The following COBL variants were observed in gnomAD, a reference collection of about 807,000 sequenced individuals.
The protein encoded by COBL is protein cordon-bleu.
COBL carries 51 observed loss-of-function variants against 98.8 expected under a neutral mutation model. The observed-to-expected ratio is 0.52, with a 90% CI of 0.41 to 0.65. The LOEUF (loss-of-function observed/expected upper bound fraction) is 0.65, where lower values mean the gene tolerates loss of function less well. COBL is among the 30% of genes least tolerant of loss of function. The pLI, the probability that COBL is intolerant of heterozygous loss-of-function variation, is 0.00. For synonymous variants in COBL, 634 were observed against 651.7 expected, an observed-to-expected ratio of 0.97 and a Z score of 0.41; for missense variants, 1,617 against 1,617.5, an observed-to-expected ratio of 1.00 and a Z score of 0.01.
At chr7:51,165,500 A>T (rs1253432027) in intron 5 of COBL, among the ~76,000 whole-genome samples, 2 of 151,964 alleles carry the variant, frequency 1.3e-5, no homozygotes, top group Non-Finnish European at 2.9e-5. Flanking sequence ...GAGAGATAGG[A>T]CCCAATAAAA....
chr7:51,195,996 T>G (rs1405743567), intron 2 of COBL, among the ~76,000 whole-genome samples: 1 of 152,208 alleles, frequency 6.6e-6, no homozygotes, highest in East Asian at 1.9e-4. Flanking sequence ...TATTTCTTTT[T>G]CTTGCCTGAC....
At chr7:51,108,655 C>T (rs1200943072) in intron 6 of COBL, among the ~76,000 whole-genome samples, 1 of 152,142 alleles carries the variant, frequency 6.6e-6, no homozygotes, top group Non-Finnish European at 1.5e-5. Flanking sequence ...CACCTTCGTT[C>T]CCTTCCCTGT....
chr7:51,172,443 C>A lies in COBL; in HGVS notation c.783+11659G>T, dbSNP rs1175663516. ...CAATTAGCGGAAGCACCTGCTGGGG[C>A]ATTAGTACTCACGTTCAAACCCCTT... is the stretch of plus-strand genomic sequence containing the variant. On this transcript the variant is annotated intron_variant, in intron 5 of 12. Coordinates refer to ENST00000265136, the MANE Select transcript of COBL (RefSeq NM_015198.5). The A allele has an allele frequency of 5.4e-6, 7 of 1,284,494 alleles. No individual in the cohort carries two copies. The African/African-American group carries it at 1.1e-4, about 20-fold the overall frequency. 79.6% of individuals were successfully genotyped at this position (1,284,494 alleles called of 1,614,324 possible).
At chr7:51,194,494 T>A (rs1000821367) in intron 2 of COBL, among the ~76,000 whole-genome samples, 1 of 152,206 alleles carries the variant, frequency 6.6e-6, no homozygotes, top group African/African-American at 2.4e-5. Context: ...GATTGCTGGG[T>A]TGAATGGTAG....
chr7:51,190,731 T>C (rs1790022954), intron 4 of COBL, 119 bp downstream of exon 4: 1 of 771,736 alleles, frequency 1.3e-6, no homozygotes, highest in Non-Finnish European at 2.1e-6. Context: ...GCCTGGAACT[T>C]CATGTACCCA....
chr7:51,102,047 A>G (rs1028259872), intron 6 of COBL, among the ~76,000 whole-genome samples: 1 of 152,230 alleles, frequency 6.6e-6, no homozygotes, highest in Non-Finnish European at 1.5e-5. Flanking sequence ...CAGCAAAAAA[A>G]GAGTTGTCAG....
At position 51,297,391 on chromosome 7, in the gene COBL, C is replaced by CTTTTTTT. The variant is rs71021766; in HGVS notation, c.41+19195_41+19201dup. 9.2e-5 allele frequency among the ~76,000 whole-genome samples: 11 copies of CTTTTTTT among 119,274 alleles called. 1 individual carries two copies. Among genetic ancestry groups the CTTTTTTT allele is most frequent in the East Asian group, 5.1e-4 (2 of 3,918 alleles). The allele number at this position is 119,274 out of a possible 152,430, so 78.2% of individuals were successfully genotyped here. On this transcript the variant is annotated intron_variant, in intron 1 of 12. Transcript: ENST00000265136. ...AGCTAAGTTTCATCATTTTGAAAAT[C>CTTTTTTT]TTTTTTTTTTTTTTTTTTGAGATGG...
chr7:51,040,896 C>A (rs1335761886), intron 8 of COBL, among the ~76,000 whole-genome samples: 2 of 152,184 alleles, frequency 1.3e-5, no homozygotes, highest in East Asian at 1.9e-4. Flanking sequence ...ACGGTCAGCA[C>A]CAGCAAAGCA....
intron 6 of COBL, among the ~76,000 whole-genome samples, chr7:51,097,698 A>G (rs1181888766): frequency 6.6e-6 from 1 of 152,182 alleles, no homozygotes; most frequent in Non-Finnish European, 1.5e-5. Context: ...TTTAATTTGC[A>G]GTTGCATTAA....
chr7:51,050,322 T>C (rs1407519370), intron 7 of COBL, among the ~76,000 whole-genome samples: 3 of 152,208 alleles, frequency 2.0e-5, no homozygotes, highest in African/African-American at 4.8e-5. Context: ...TTAGAGTCCC[T>C]GGGCAGAGAA....
chr7:51,095,857 G>T (rs187267329), intron 6 of COBL, among the ~76,000 whole-genome samples: 2 of 152,062 alleles, frequency 1.3e-5, no homozygotes, highest in African/African-American at 4.8e-5. Flanking sequence ...AAATACATGC[G>T]CATCTACCAG....
At chr7:51,039,596 C>G (rs1313321750) in intron 8 of COBL, among the ~76,000 whole-genome samples, 1 of 152,254 alleles carries the variant, frequency 6.6e-6, no homozygotes, top group Non-Finnish European at 1.5e-5. Context: ...ACGTTCCCAA[C>G]CTTATGTGTG....
chr7:51,226,954 A>G (rs1020822848), intron 1 of COBL, among the ~76,000 whole-genome samples: 45 of 152,298 alleles, frequency 3.0e-4, no homozygotes, highest in African/African-American at 1.0e-3. Flanking sequence ...ACAGCTGGAA[A>G]AGACTGGAAT....
intron 2 of COBL, among the ~76,000 whole-genome samples, chr7:51,202,417 A>G (rs1002561535): frequency 3.9e-5 from 6 of 152,210 alleles, no homozygotes; most frequent in South Asian, 2.1e-4. Context: ...TTCATTGTCA[A>G]TCTTTTACTA....
chr7:51,122,496 A>G (rs183882609), intron 6 of COBL, among the ~76,000 whole-genome samples: 134 of 152,264 alleles, frequency 8.8e-4, no homozygotes, highest in African/African-American at 3.2e-3. Flanking sequence ...TTTCCCCAGT[A>G]TTTTTAGAAA....
chr7:51,051,626 C>T (rs772022719), intron 7 of COBL, among the ~76,000 whole-genome samples: 30 of 152,184 alleles, frequency 2.0e-4, no homozygotes, highest in African/African-American at 6.5e-4. Context: ...GGGGTATCAG[C>T]GATGGTACGG....
chr7:51,083,115 G>A, intron 7 of COBL: 1 of 1,532,024 alleles, frequency 6.5e-7, no homozygotes, highest in South Asian at 1.2e-5. Flanking sequence ...AAGCTGAGAG[G>A]CTCCACCACG....
At chr7:51,079,764 A>G (rs1583709151) in intron 7 of COBL, among the ~76,000 whole-genome samples, 1 of 152,330 alleles carries the variant, frequency 6.6e-6, no homozygotes, top group Middle Eastern at 3.4e-3. Context: ...TGAGCTGCAG[A>G]GCCGGCTGCC....
chr7:51,025,241 T>TGGGGG lies in COBL; in HGVS notation c.3635_3636insCCCCC (p.Ser1214HisfsTer30). 2 of 381,030 alleles carry TGGGGG rather than the reference T, an allele frequency of 5.2e-6. No individual in the cohort carries two copies. Among genetic ancestry groups the TGGGGG allele is most frequent in the Non-Finnish European group, 4.4e-6 (1 of 225,278 alleles). The allele number at this position is 381,030 out of a possible 1,614,324, so 23.6% of individuals were successfully genotyped here. On this transcript the variant is annotated frameshift_variant, in exon 12 of 13. Coordinates refer to ENST00000265136, the MANE Select transcript of COBL (RefSeq NM_015198.5). LOFTEE classifies it high-confidence loss of function. ...TTGGTGCAGAGAGAGCCTGGGAGGG[T>TGGGGG]GGAGGGGGTGGTGGGGGAATGGCTG...
Sources: gnomAD v4.1 joint callset for allele counts (sites outside exome capture counted in the v4.1 genomes callset) on GRCh38, gnomAD v4.1.1 for gene constraint, MANE v1.5 for transcripts, NCBI Gene and HGNC (gene_info 2026-07-23, HGNC 2026-07-21) for gene names.